PACSIN2: variants seen among roughly 807,000 people sequenced by gnomAD.
PACSIN2 encodes the protein protein kinase C and casein kinase substrate in neurons protein 2.
A neutral mutation model predicts 63.8 loss-of-function variants in PACSIN2; 25 were observed. The ratio of observed to expected loss-of-function variants is 0.39; its 90% CI spans 0.29 to 0.55. The LOEUF is 0.55. PACSIN2 is among the 20% of genes least tolerant of loss of function. PACSIN2 has a pLI of 0.62. For missense variants in PACSIN2, 518 were observed against 646.9 expected, an observed-to-expected ratio of 0.80 and a Z score of 2.16; for synonymous variants, 255 against 256.2, an observed-to-expected ratio of 1.00 and a Z score of 0.05.
chr22:43,006,378 C>A (rs1569373065), intron 1 of PACSIN2, among the ~76,000 whole-genome samples: 1 of 152,200 alleles, frequency 6.6e-6, no homozygotes, highest in African/African-American at 2.4e-5. Flanking sequence ...AGTGATGGAG[C>A]TCGAACCCAC....
chr22:43,014,827 C>A (rs2146938271), intron 1 of PACSIN2, among the ~76,000 whole-genome samples, 194 bp downstream of exon 1: 1 of 151,738 alleles, frequency 6.6e-6, no homozygotes, highest in South Asian at 2.1e-4. Flanking sequence ...TCCAGGCGCC[C>A]CCCGGGGCCC....
chr22:42,979,658 T>G (rs1921943650), intron 1 of PACSIN2, among the ~76,000 whole-genome samples: 1 of 152,212 alleles, frequency 6.6e-6, no homozygotes. Context: ...ATGAATTCTC[T>G]GGCTCCTTCC....
rs533141881 is a variant in PACSIN2, at chr22:42,888,805, G to A, written c.454-7C>T. 6.8e-6 allele frequency: 11 copies of A among 1,613,954 alleles called. No homozygotes were observed. The African/African-American group carries it at 1.5e-4, about 22-fold the overall frequency. On this transcript the variant is annotated splice_polypyrimidine_tract_variant and splice_region_variant and intron_variant, in intron 4 of 10. Transcript: ENST00000263246. Reference sequence around the variant, plus strand: ...CTTTCTTTGCTGCTTCTACCTACAGGGAGAATGAGTTCCTGAATGCCATGT... The same window carrying A: ...CTTTCTTTGCTGCTTCTACCTACAGAGAGAATGAGTTCCTGAATGCCATGT...
At chr22:42,990,029 TATATATGTATATATATATATATAC>T in intron 1 of PACSIN2, among the ~76,000 whole-genome samples, 1 of 24,332 alleles carries the variant, frequency 4.1e-5, no homozygotes, top group Non-Finnish European at 6.7e-5. Context: ...CACATATGTA[TATATATGTATATATATATATATAC>T]ACACACATAT....
chr22:42,899,064 C>G (rs1470967181), intron 2 of PACSIN2, among the ~76,000 whole-genome samples: 2 of 152,148 alleles, frequency 1.3e-5, no homozygotes. Context: ...AGGACCATGC[C>G]AAGCTCTGTG....
chr22:42,989,797 T>C (rs1409117518), intron 1 of PACSIN2, among the ~76,000 whole-genome samples: 1 of 147,698 alleles, frequency 6.8e-6, no homozygotes, highest in African/African-American at 2.5e-5. Flanking sequence ...TGAGACTCTG[T>C]CTCAAAAAAA....
chr22:42,980,441 G>A (rs1922005857), intron 1 of PACSIN2, among the ~76,000 whole-genome samples: 1 of 150,964 alleles, frequency 6.6e-6, no homozygotes, highest in Admixed American at 6.6e-5. Flanking sequence ...GACAGAGAGA[G>A]ACCCTCCCTC....
intron 1 of PACSIN2, among the ~76,000 whole-genome samples, chr22:42,986,479 G>A (rs904288882): frequency 6.6e-6 from 1 of 152,172 alleles, no homozygotes; most frequent in African/African-American, 2.4e-5. Flanking sequence ...GCAACCAGCA[G>A]ACAGGCTCGA....
At chr22:42,964,189 G>T (rs1389171917) in intron 1 of PACSIN2, among the ~76,000 whole-genome samples, 2 of 152,210 alleles carry the variant, frequency 1.3e-5, no homozygotes, top group Non-Finnish European at 2.9e-5. Context: ...GGGCCAAGGT[G>T]CGCAGATCAC....
At position 42,876,915 on chromosome 22, in the gene PACSIN2, C is replaced by T; in HGVS notation, c.1124G>A (p.Ser375Asn). 6.2e-7 allele frequency: 1 copy of T among 1,614,206 alleles called. No homozygotes were observed. Among genetic ancestry groups the T allele is most frequent in the African/African-American group, 1.3e-5 (1 of 75,056 alleles). ...TTTGGCCTTAGTGTCGTCCTTCTCA[C>T]TGACGGTGCTGCCCGTGTCGTCCTC... ...EDEDDTGSTVSEKDDTKAKNV... is the reference protein window; with the variant it reads ...EDEDDTGSTVNEKDDTKAKNV... Residue 375 changes from serine (S) to asparagine (N), a missense_variant, in exon 9 of 11, where the codon AGT becomes AAT. By Grantham distance (46) the Ser-to-Asn change is conservative. Around this residue, in one of 2 missense-constraint regions of PACSIN2, gnomAD observed 507 missense variants for 612.3 expected, o/e 0.83. Transcript: ENST00000263246.
chr22:43,006,145 T>C (rs755087630), intron 1 of PACSIN2, among the ~76,000 whole-genome samples: 6 of 152,116 alleles, frequency 3.9e-5, no homozygotes, highest in Non-Finnish European at 7.4e-5. Flanking sequence ...CTTTCTGTCA[T>C]GTGAAGCTAT....
intron 6 of PACSIN2, among the ~76,000 whole-genome samples, chr22:42,883,036 G>C (rs1929198629): frequency 6.6e-6 from 1 of 152,150 alleles, no homozygotes; most frequent in Non-Finnish European, 1.5e-5. Flanking sequence ...TTGGAAATAA[G>C]GTCTTTATAG....
intron 1 of PACSIN2, among the ~76,000 whole-genome samples, chr22:42,973,687 G>T (rs552672214): frequency 1.3e-5 from 2 of 152,154 alleles, no homozygotes; most frequent in Non-Finnish European, 2.9e-5. Flanking sequence ...ACCCAGACTG[G>T]GTTGGCTGCT....
At chr22:42,981,937 C>T (rs1922190003) in intron 1 of PACSIN2, among the ~76,000 whole-genome samples, 1 of 84,044 alleles carries the variant, frequency 1.2e-5, no homozygotes, top group Non-Finnish European at 2.6e-5. Flanking sequence ...TCTGCCCGGC[C>T]GCCCCTACTG....
At chr22:43,012,808 C>G (rs909092686) in intron 1 of PACSIN2, among the ~76,000 whole-genome samples, 1 of 152,152 alleles carries the variant, frequency 6.6e-6, no homozygotes, top group Admixed American at 6.6e-5. Context: ...ATGAGCACCA[C>G]CACACCCAGC....
chr22:42,974,352 T>C (rs77670854), intron 1 of PACSIN2, among the ~76,000 whole-genome samples: 428 of 152,316 alleles, frequency 2.8e-3, no homozygotes, highest in African/African-American at 9.8e-3. Context: ...TATGATCTAC[T>C]TCTAAACAGT....
chr22:42,916,410 G>A (rs1245211518), intron 1 of PACSIN2, among the ~76,000 whole-genome samples: 2 of 149,290 alleles, frequency 1.3e-5, no homozygotes, highest in Non-Finnish European at 3.0e-5. Context: ...GGTGGGGGTG[G>A]GGATGGGGGG....
chr22:42,921,239 G>A (rs1449863825), intron 1 of PACSIN2, among the ~76,000 whole-genome samples: 1 of 151,920 alleles, frequency 6.6e-6, no homozygotes, highest in Non-Finnish European at 1.5e-5. Context: ...CACGCCTGTA[G>A]TTCTAGCTGC....
At chr22:42,896,327 T>C (rs891367486) in intron 2 of PACSIN2, among the ~76,000 whole-genome samples, 1 of 152,296 alleles carries the variant, frequency 6.6e-6, no homozygotes, top group Admixed American at 6.5e-5. Context: ...TCCATGTTGC[T>C]ATCTACGTCA....
Sources: gnomAD v4.1 joint callset for allele counts (sites outside exome capture counted in the v4.1 genomes callset) on GRCh38, gnomAD v4.1.1 for gene constraint, gnomAD v4.1.1 regional missense constraint, MANE v1.5 for transcripts, NCBI Gene and HGNC (gene_info 2026-07-23, HGNC 2026-07-21) for gene names.